Variants in CNOT6L observed in about 807,000 individuals in gnomAD.
CNOT6L encodes CCR4-NOT transcription complex subunit 6 like.
A neutral mutation model predicts 64.0 loss-of-function variants in CNOT6L; 7 were observed. That is an observed-to-expected ratio of 0.11 (90% CI 0.06 to 0.21). The LOEUF (loss-of-function observed/expected upper bound fraction) is 0.21. Ranked by LOEUF, CNOT6L falls within the 10% of genes least tolerant of loss-of-function variation. CNOT6L has a pLI of 1.00. For missense variants in CNOT6L, 245 were observed against 669.0 expected, an observed-to-expected ratio of 0.37 and a Z score of 6.99; for synonymous variants, 193 against 243.4, an observed-to-expected ratio of 0.79 and a Z score of 1.93.
rs541846569 is a variant in CNOT6L at position 77,745,599 on chromosome 4, T to C, written c.560-724A>G. Among the ~76,000 whole-genome samples, 117 of 152,328 alleles carry C rather than the reference T, an allele frequency of 7.7e-4. 2 individuals carry two copies. Among genetic ancestry groups the C allele is most frequent in the Non-Finnish European group, 2.2e-4 (15 of 68,022 alleles). On this transcript the variant is annotated intron_variant, in intron 6 of 11. Transcript: ENST00000504123. Reference sequence around the variant, plus strand: ...TTTAACAAAATCTCCAGGTGATTCATATGCACTTGCATGTTAAAGTCTGAA... The same window carrying C: ...TTTAACAAAATCTCCAGGTGATTCACATGCACTTGCATGTTAAAGTCTGAA...
intron 1 of CNOT6L, among the ~76,000 whole-genome samples, chr4:77,779,766 C>G (rs1728643261): frequency 6.6e-6 from 1 of 152,178 alleles, no homozygotes. Context: ...TCGAGACCAT[C>G]CTGGCTAACA....
chr4:77,798,692 A>G (rs891129434), intron 1 of CNOT6L, among the ~76,000 whole-genome samples: 1 of 152,142 alleles, frequency 6.6e-6, no homozygotes, highest in African/African-American at 2.4e-5. Context: ...GGTTTCTTAA[A>G]AAGGTAAACA....
intron 1 of CNOT6L, among the ~76,000 whole-genome samples, chr4:77,794,847 A>G (rs891478722): frequency 6.6e-6 from 1 of 152,144 alleles, no homozygotes; most frequent in African/African-American, 2.4e-5. Flanking sequence ...GTTTATTCAC[A>G]AACAATAAAT....
intron 1 of CNOT6L, among the ~76,000 whole-genome samples, chr4:77,787,035 G>A (rs1237143516): frequency 6.6e-6 from 1 of 152,024 alleles, no homozygotes; most frequent in Non-Finnish European, 1.5e-5. Flanking sequence ...GGAGGCCAAG[G>A]TGGGCGGATC....
At chr4:77,774,809 A>T in intron 2 of CNOT6L, 93 bp from the exon 3 acceptor site, 1 of 708,368 alleles carries the variant, frequency 1.4e-6, no homozygotes, top group South Asian at 2.6e-5. Flanking sequence ...AGAGGCTGCA[A>T]ATACACATGG....
intron 8 of CNOT6L, among the ~76,000 whole-genome samples, chr4:77,735,406 G>A (rs890855381): frequency 1.1e-4 from 17 of 152,256 alleles, no homozygotes; most frequent in South Asian, 1.0e-3. Flanking sequence ...GGGCAAGTCT[G>A]TCTTTTTGAA....
intron 11 of CNOT6L, among the ~76,000 whole-genome samples, chr4:77,722,911 A>G (rs1721440174): frequency 6.6e-6 from 1 of 152,164 alleles, no homozygotes; most frequent in Non-Finnish European, 1.5e-5. Flanking sequence ...TGCACTCTTT[A>G]TATTAGTAAA....
At chr4:77,817,270 A>G (rs892786098) in intron 1 of CNOT6L, among the ~76,000 whole-genome samples, 2 of 152,184 alleles carry the variant, frequency 1.3e-5, no homozygotes, top group African/African-American at 2.4e-5. Context: ...GGCTATTTTA[A>G]TGACTATTTT....
At chr4:77,760,369 T>C (rs1726059788) in intron 4 of CNOT6L, among the ~76,000 whole-genome samples, 2 of 151,990 alleles carry the variant, frequency 1.3e-5, no homozygotes, top group African/African-American at 4.8e-5. Context: ...ACTGAGACCC[T>C]GTCTCAAAAA....
chr4:77,817,938 T>C (rs746915330), intron 1 of CNOT6L, among the ~76,000 whole-genome samples: 31 of 152,226 alleles, frequency 2.0e-4, no homozygotes, highest in Non-Finnish European at 1.0e-4. Context: ...TAGCAAATAA[T>C]TATCCAAATG....
chr4:77,733,604 G>C (rs2109903535), intron 8 of CNOT6L, among the ~76,000 whole-genome samples: 1 of 152,006 alleles, frequency 6.6e-6, no homozygotes, highest in Non-Finnish European at 1.5e-5. Context: ...TAAAAATCCT[G>C]TTAATTATAA....
rs1465529291 is a variant in CNOT6L at position 77,726,245 on chromosome 4, T to C, written c.1377A>G (p.Arg459=). 12 of 1,613,742 alleles carry C rather than the reference T, an allele frequency of 7.4e-6. No individual in the cohort carries two copies. The highest frequency in any genetic ancestry group is 1.0e-5 in the Non-Finnish European group (12 of 1,179,796). Residue 459 remains arginine (R), a synonymous_variant, in exon 11 of 12, where the codon AGA becomes AGG. Coordinates refer to ENST00000504123, the MANE Select transcript of CNOT6L (RefSeq NM_144571.3). ...TCTTAAGTTGGAAGCCATGTGTGAT[T>C]CTCCCTTCTGAGCTTCCATTCTTTC... ...CNGKNGSSEG[R]ITHGFQLKSA...
Position 77,714,773 on chromosome 4 carries a change from G to T in CNOT6L, c.*5658C>A, listed in dbSNP as rs952555462. ...AGAGCACCGCTCAGGAATTTCACAG[G>T]TAAGGGAATATATTTTTAGCAAGTT... On this transcript the variant is annotated 3_prime_UTR_variant, in exon 12 of 12. Coordinates refer to ENST00000504123, the MANE Select transcript of CNOT6L (RefSeq NM_144571.3). The T allele has an allele frequency of 2.0e-5, 3 of 152,552 alleles. No individual in the cohort carries two copies. The highest frequency in any genetic ancestry group is 4.4e-5 in the Non-Finnish European group (3 of 68,034). The allele number at this position is 152,552 out of a possible 1,614,324, so 9.4% of individuals were successfully genotyped here.
intron 1 of CNOT6L, among the ~76,000 whole-genome samples, chr4:77,785,105 A>G (rs976112254): frequency 6.6e-5 from 10 of 152,370 alleles, no homozygotes; most frequent in African/African-American, 2.4e-4. Context: ...AATGGAACAG[A>G]ACTGAGAAGC....
At chr4:77,813,022 A>G (rs1411985452) in intron 1 of CNOT6L, among the ~76,000 whole-genome samples, 1 of 152,222 alleles carries the variant, frequency 6.6e-6, no homozygotes, top group Non-Finnish European at 1.5e-5. Flanking sequence ...AATAGAATTA[A>G]AAGTCCAGAA....
rs1720927348 is a variant in CNOT6L, at chr4:77,718,045, T to TTA, written c.*2385_*2386insTA. The TTA allele has an allele frequency of 6.6e-6, 1 of 152,222 alleles. No individual in the cohort carries two copies. 9.4% of individuals were successfully genotyped at this position (152,222 alleles called of 1,614,324 possible). On this transcript the variant is annotated 3_prime_UTR_variant, in exon 12 of 12. Transcript: ENST00000504123. ...GTTTACAATGTTTCCCATTTTTTTT[T>TTA]ATTTTTTCCCTCTACATTTAACTAT... is the stretch of plus-strand genomic sequence containing the variant.
chr4:77,736,702 C>T (rs1415420140), intron 8 of CNOT6L, among the ~76,000 whole-genome samples: 2 of 152,024 alleles, frequency 1.3e-5, no homozygotes, highest in Non-Finnish European at 2.9e-5. Context: ...AAATCTTAAA[C>T]TTGTCTCTTT....
At chr4:77,749,959 A>G (rs1724670407) in intron 5 of CNOT6L, among the ~76,000 whole-genome samples, 1 of 152,206 alleles carries the variant, frequency 6.6e-6, no homozygotes, top group Non-Finnish European at 1.5e-5. Context: ...GTTTATATTA[A>G]CGAAAGCAAT....
At chr4:77,773,019 T>A (rs1727751607) in intron 4 of CNOT6L, 62 bp downstream of exon 4, 2 of 1,072,052 alleles carry the variant, frequency 1.9e-6, no homozygotes, top group Admixed American at 5.3e-5. Flanking sequence ...TTGACCTTTT[T>A]AAAGGCCAAA....
Sources: gnomAD v4.1 joint callset for allele counts (sites outside exome capture counted in the v4.1 genomes callset) on GRCh38, gnomAD v4.1.1 for gene constraint, MANE v1.5 for transcripts, NCBI Gene and HGNC (gene_info 2026-07-23, HGNC 2026-07-21) for gene names.